The following CSMD3 variants were observed in gnomAD, a reference collection of about 807,000 sequenced individuals.
CSMD3 encodes the protein CUB and sushi domain-containing protein 3.
CSMD3 carries 177 observed loss-of-function variants against 435.2 expected under a neutral mutation model. The observed-to-expected ratio is 0.41, with a 90% CI of 0.36 to 0.46. The LOEUF is 0.46. Ranked by LOEUF, CSMD3 falls within the 20% of genes least tolerant of loss-of-function variation. The pLI is 0.34. For missense variants in CSMD3, 4,265 were observed against 4,504.6 expected (o/e 0.95, Z 1.52); for synonymous variants, 1,656 against 1,520.5 (o/e 1.09, Z -2.07).
intron 4 of CSMD3, among the ~76,000 whole-genome samples, chr8:113,146,639 G>T (rs959448481): frequency 2.6e-5 from 4 of 151,566 alleles, no homozygotes; most frequent in African/African-American, 9.7e-5. Flanking sequence ...ATGCAAGCCA[G>T]AATGAACAAA....
At chr8:112,712,450 T>C (rs141606226) in intron 13 of CSMD3, among the ~76,000 whole-genome samples, 3 of 152,268 alleles carry the variant, frequency 2.0e-5, no homozygotes, top group African/African-American at 7.2e-5. Context: ...AAAATGGTTA[T>C]ACACAGGGTT....
chr8:112,584,021 C>T (rs1311345711), intron 23 of CSMD3, among the ~76,000 whole-genome samples: 2 of 151,240 alleles, frequency 1.3e-5, no homozygotes, highest in East Asian at 3.9e-4. Context: ...TGACAAATGA[C>T]ACAAATGAAC....
chr8:112,695,080 G>A (rs182960855), intron 13 of CSMD3, among the ~76,000 whole-genome samples: 90 of 152,140 alleles, frequency 5.9e-4, no homozygotes, highest in African/African-American at 2.0e-3. Flanking sequence ...CTGGAAAATC[G>A]GGTCACTTCC....
At chr8:113,324,215 T>A (rs1432230280) in intron 1 of CSMD3, among the ~76,000 whole-genome samples, 1 of 152,154 alleles carries the variant, frequency 6.6e-6, no homozygotes, top group Non-Finnish European at 1.5e-5. Context: ...GAAATTTGCA[T>A]AAGTTACGTG....
intron 22 of CSMD3, among the ~76,000 whole-genome samples, chr8:112,610,954 AT>A (rs1275649543): frequency 6.6e-6 from 1 of 152,236 alleles, no homozygotes; most frequent in African/African-American, 2.4e-5. Flanking sequence ...GAAATGCATC[AT>A]GCAAAGTACT....
chr8:113,311,494 G>A (rs2132653242), intron 2 of CSMD3: 1 of 151,850 alleles, frequency 6.6e-6, no homozygotes, highest in African/African-American at 2.4e-5. Context: ...CTCATGAAAA[G>A]TAAAAAAAAT....
chr8:113,023,560 G>T lies in CSMD3; in HGVS notation c.918-4381C>A, dbSNP rs566009409. On this transcript the variant is annotated intron_variant, in intron 5 of 70. Coordinates refer to ENST00000297405, the MANE Select transcript of CSMD3 (RefSeq NM_198123.2). ...CCTTGTTAGATTATGGCCCTATGTTGAGCTGCTATTAGTTGCTCAAATTTT... is the reference window on the plus strand; with the variant it reads ...CCTTGTTAGATTATGGCCCTATGTTTAGCTGCTATTAGTTGCTCAAATTTT... 4.6e-5 allele frequency among the ~76,000 whole-genome samples: 7 copies of T among 152,036 alleles called. 1 individual carries two copies. The South Asian group carries it at 1.0e-3, about 23-fold the overall frequency.
chr8:112,475,436 G>A (rs976497643), intron 31 of CSMD3, among the ~76,000 whole-genome samples: 2 of 152,030 alleles, frequency 1.3e-5, no homozygotes, highest in Non-Finnish European at 1.5e-5. Flanking sequence ...ATTTGTACTT[G>A]TAAACATAAT....
chr8:112,526,355 A>G (rs574515711), intron 27 of CSMD3, among the ~76,000 whole-genome samples: 1 of 152,122 alleles, frequency 6.6e-6, no homozygotes, highest in Non-Finnish European at 1.5e-5. Context: ...GTACTGGCAT[A>G]CTATGTTCTT....
At chr8:112,915,092 T>A (rs1321663675) in intron 10 of CSMD3, among the ~76,000 whole-genome samples, 5 of 151,944 alleles carry the variant, frequency 3.3e-5, no homozygotes, top group African/African-American at 1.2e-4. Context: ...AAGTTTACTA[T>A]GAACACAAAA....
intron 13 of CSMD3, among the ~76,000 whole-genome samples, chr8:112,773,480 A>T (rs2078171463): frequency 6.6e-6 from 1 of 152,084 alleles, no homozygotes; most frequent in African/African-American, 2.4e-5. Context: ...ATAAGTTGAA[A>T]TAACACACAA....
intron 31 of CSMD3, among the ~76,000 whole-genome samples, chr8:112,484,349 T>A (rs933644252): frequency 6.6e-6 from 1 of 152,146 alleles, no homozygotes; most frequent in Non-Finnish European, 1.5e-5. Context: ...TTATAATCGT[T>A]TCAGATACCT....
chr8:113,094,744 A>G (rs1018930639), intron 5 of CSMD3, among the ~76,000 whole-genome samples: 9 of 152,158 alleles, frequency 5.9e-5, no homozygotes, highest in African/African-American at 2.2e-4. Flanking sequence ...AAGGACACTG[A>G]TCTGATTGTT....
intron 54 of CSMD3, among the ~76,000 whole-genome samples, chr8:112,294,704 A>G (rs1208291259): frequency 6.6e-6 from 1 of 152,158 alleles, no homozygotes; most frequent in Non-Finnish European, 1.5e-5. Flanking sequence ...ATGAAAAGAT[A>G]TTTCAAAATA....
intron 4 of CSMD3, among the ~76,000 whole-genome samples, chr8:113,102,068 T>C (rs910065551): frequency 2.0e-5 from 3 of 152,140 alleles, no homozygotes; most frequent in African/African-American, 7.2e-5. Context: ...AGTGCTGTGC[T>C]CTTTCTGCTA....
At chr8:112,789,326 T>C (rs2078629600) in intron 13 of CSMD3, among the ~76,000 whole-genome samples, 1 of 151,994 alleles carries the variant, frequency 6.6e-6, no homozygotes, top group Admixed American at 6.6e-5. Context: ...TATATCAATA[T>C]CAAATTTAAT....
At chr8:112,798,082 T>C (rs1195305916) in intron 13 of CSMD3, among the ~76,000 whole-genome samples, 1 of 151,850 alleles carries the variant, frequency 6.6e-6, no homozygotes, top group Non-Finnish European at 1.5e-5. Context: ...ATAGAGGAAG[T>C]GGTCTTCTGT....
intron 12 of CSMD3, among the ~76,000 whole-genome samples, chr8:112,827,641 G>C (rs1224622159): frequency 1.3e-5 from 2 of 152,174 alleles, no homozygotes; most frequent in Non-Finnish European, 2.9e-5. Context: ...TAATATCCAA[G>C]AAACTTCAGT....
rs1191145861 is a variant in CSMD3 at position 112,599,838 on chromosome 8, G to A, written c.3716-12603C>T. Among the ~76,000 whole-genome samples the A allele has an allele frequency of 5.3e-5, 7 of 133,062 alleles. 1 individual carries two copies. In the East Asian group the frequency reaches 1.6e-3, roughly 30 times the overall value. The allele number at this position is 133,062 out of a possible 152,430, so 87.3% of individuals were successfully genotyped here. ...GAACAATGAGATCACATGGACACAG[G>A]AAGGGGAATATCACACTCTGGGGAC... On this transcript the variant is annotated intron_variant, in intron 22 of 70. Transcript: ENST00000297405.
Sources: allele counts gnomAD v4.1 joint callset (sites outside exome capture counted in the v4.1 genomes callset), GRCh38; gene constraint gnomAD v4.1.1; transcripts MANE v1.5; gene names NCBI Gene and HGNC (gene_info 2026-07-23, HGNC 2026-07-21).